KXD1: variants seen among roughly 807,000 people sequenced by gnomAD.
The protein encoded by KXD1 is KxDL motif containing 1, also known as kxDL motif-containing protein 1.
KXD1 carries 5 observed loss-of-function variants against 12.1 expected under a neutral mutation model. That is an observed-to-expected ratio of 0.41 (90% CI 0.22 to 0.87). KXD1 has a LOEUF of 0.87. Ranked by LOEUF, KXD1 falls within the 40% of genes least tolerant of loss-of-function variation. The pLI is 0.31. For missense variants in KXD1, 193 were observed against 244.9 expected (o/e 0.79, Z 1.41); for synonymous variants, 98 against 100.5 (o/e 0.98, Z 0.15).
chr19:18,559,990 T>TTCCCTCCCCCCC (rs1974864576), intron 1 of KXD1: 3 of 122,952 alleles, frequency 2.4e-5, no homozygotes, highest in African/African-American at 1.0e-4. Context: ...CCTTCCTTCC[T>TTCCCTCCCCCCC]TCCCTCCCTC....
At chr19:18,563,040 A>AT (rs1975000762) in intron 2 of KXD1, among the ~76,000 whole-genome samples, 2 of 152,088 alleles carry the variant, frequency 1.3e-5, no homozygotes, top group South Asian at 2.1e-4. Context: ...ACATTACGAG[A>AT]TTTTTTTTGT....
Position 18,568,298 on chromosome 19 carries a change from C to G in KXD1, c.302-104C>G, listed in dbSNP as rs370491051. The G allele has an allele frequency of 1.3e-3, 1,050 of 780,740 alleles. 2 individuals carry two copies. The highest frequency in any genetic ancestry group is 1.8e-3 in the Non-Finnish European group (856 of 467,832). The allele number at this position is 780,740 out of a possible 1,614,324, so 48.4% of individuals were successfully genotyped here. ...AAAAAAAAAAAGGGTCAAGTCATAC[C>G]CCCATGGGGTGAGGGCAGCCGTTAG... On this transcript the variant is annotated intron_variant, in intron 4 of 4. Transcript: ENST00000222307.
At chr19:18,562,234 C>A in intron 2 of KXD1, 77 bp downstream of exon 2, 2 of 1,073,654 alleles carry the variant, frequency 1.9e-6, no homozygotes, top group Non-Finnish European at 1.4e-6. Flanking sequence ...CCCGCCCCTA[C>A]CCGGGGCCCA....
At chr19:18,561,813 A>G in intron 1 of KXD1, 1 of 382,784 alleles carries the variant, frequency 2.6e-6, no homozygotes, top group Admixed American at 4.7e-5. Flanking sequence ...GTGCTTGGGT[A>G]CAGTTTACAA....
At chr19:18,566,725 G>A (rs552143272) in intron 3 of KXD1, among the ~76,000 whole-genome samples, 2 of 151,978 alleles carry the variant, frequency 1.3e-5, no homozygotes, top group South Asian at 2.1e-4. Flanking sequence ...TCCGGAAGGT[G>A]GAGGTTGCAG....
At position 18,567,996 on chromosome 19, in the gene KXD1, G is replaced by A. The variant is rs568787668; in HGVS notation, c.302-406G>A. The stretch of plus-strand genomic sequence containing the variant: ...AAAATGGGCCAAGTCTGCCAGGCGC[G>A]GTGGCTCATGCCTGTAATCCCAACA... On this transcript the variant is annotated intron_variant, in intron 4 of 4. Coordinates refer to ENST00000222307, the MANE Select transcript of KXD1 (RefSeq NM_024069.4). 2.1e-4 allele frequency among the ~76,000 whole-genome samples: 32 copies of A among 152,288 alleles called. 1 individual carries two copies. The highest frequency in any genetic ancestry group is 1.2e-3 in the Admixed American group (18 of 15,300).
At chr19:18,562,450 T>C (rs981808231) in intron 2 of KXD1, among the ~76,000 whole-genome samples, 2 of 152,002 alleles carry the variant, frequency 1.3e-5, no homozygotes, top group African/African-American at 2.4e-5. Flanking sequence ...CACATGCAGG[T>C]TTTTTTGTTT....
chr19:18,568,742 A>C lies in KXD1; in HGVS notation c.*111A>C. ...GGCTCCTTTGCTGCCCCGTTCTGTCACCCAGGGCTCCTAGGGGGACAAGGC... is the reference window on the plus strand; with the variant it reads ...GGCTCCTTTGCTGCCCCGTTCTGTCCCCCAGGGCTCCTAGGGGGACAAGGC... On this transcript the variant is annotated 3_prime_UTR_variant, in exon 5 of 5. Coordinates refer to ENST00000222307, the MANE Select transcript of KXD1 (RefSeq NM_024069.4). The C allele has an allele frequency of 3.9e-6, 3 of 776,070 alleles. No individual in the cohort carries two copies. The highest frequency in any genetic ancestry group is 1.7e-5 in the South Asian group (1 of 57,766). 48.1% of individuals were successfully genotyped at this position (776,070 alleles called of 1,614,324 possible). A position where few individuals can be genotyped will look rare whatever the true frequency, so the allele number is the denominator to read the frequency against.
intron 4 of KXD1, among the ~76,000 whole-genome samples, chr19:18,568,057 C>T (rs1975340777): frequency 6.6e-6 from 1 of 152,090 alleles, no homozygotes; most frequent in African/African-American, 2.4e-5. Flanking sequence ...CACCTGAGGT[C>T]GGGAGTTCGA....
In KXD1 at chr19:18,568,430, A is replaced by G; in HGVS notation, c.330A>G (p.Glu110=). ...TCCCAGAGGCATCCTTCCTGGAGGA[A>G]GAGGATGAAGACCCCATCCCACCCA... ...SHIPEASFLE[E]EDEDPIPPST... is the part of the protein sequence containing the mutation. Residue 110 remains glutamate, a synonymous_variant, in exon 5 of 5, where the codon GAA becomes GAG. Transcript: ENST00000222307. 4 of 1,613,998 alleles carry G rather than the reference A, an allele frequency of 2.5e-6. 1 individual carries two copies. Among genetic ancestry groups the G allele is most frequent in the South Asian group, 2.2e-5 (2 of 91,080 alleles).
rs187914977 is a variant in KXD1, at chr19:18,563,754, A to G, written c.102-1115A>G. 7.4e-3 allele frequency among the ~76,000 whole-genome samples: 1,131 copies of G among 152,154 alleles called. 14 individuals are homozygous for G. Among genetic ancestry groups the G allele is most frequent in the African/African-American group, 0.025 (1,021 of 41,518 alleles). On this transcript the variant is annotated intron_variant, in intron 2 of 4. Coordinates refer to ENST00000222307, the MANE Select transcript of KXD1 (RefSeq NM_024069.4). The stretch of plus-strand genomic sequence containing the variant: ...CTTGACTTCGTGATCCGCCCGCCTC[A>G]GCCTCCCAAAGTGCTGGGATTACAG...
chr19:18,562,008 C>G (rs1267151747), intron 1 of KXD1, 28 bp from the exon 2 acceptor site: 1 of 1,505,580 alleles, frequency 6.6e-7, no homozygotes, highest in East Asian at 2.3e-5. Context: ...GTGACTAGTG[C>G]AGACCACTCT....
chr19:18,568,548 G>A lies in KXD1; in HGVS notation c.448G>A (p.Glu150Lys), dbSNP rs746447208. The change falls in exon 5 of 5, where the codon GAG becomes AAG. Residue 150 changes from glutamate (E) to lysine (K), a missense_variant. Glu to Lys is a moderately conservative substitution (Grantham distance 56). Transcript: ENST00000222307. ...CTCGCCCTCCCTGAGCCCCGGCTTC[G>A]AGGACCTGTCCCATGTCCAGCCTGG... The part of the protein sequence containing the change: ...TVSPSLSPGF[E>K]DLSHVQPGSP... The A allele has an allele frequency of 7.4e-6, 12 of 1,613,804 alleles. No individual in the cohort carries two copies. Among genetic ancestry groups the A allele is most frequent in the African/African-American group, 5.3e-5 (4 of 74,908 alleles).
At chr19:18,560,243 A>C (rs1974876272) in intron 1 of KXD1, 1 of 151,894 alleles carries the variant, frequency 6.6e-6, no homozygotes, top group African/African-American at 2.4e-5. Flanking sequence ...CCTGACCTCA[A>C]GCAGTCTGCC....
chr19:18,568,313 G>T, intron 4 of KXD1, 89 bp from the exon 5 acceptor site: 1 of 922,986 alleles, frequency 1.1e-6, no homozygotes, highest in Non-Finnish European at 1.7e-6. Flanking sequence ...TGGGGTGAGG[G>T]CAGCCGTTAG....
chr19:18,559,785 T>C (rs1974849076), intron 1 of KXD1: 1 of 152,174 alleles, frequency 6.6e-6, no homozygotes, highest in South Asian at 2.1e-4. Flanking sequence ...ATGATAACAG[T>C]ATGTATGAGC....
intron 4 of KXD1, 77 bp from the exon 5 acceptor site, chr19:18,568,325 G>A: frequency 2.8e-6 from 3 of 1,078,586 alleles, no homozygotes; most frequent in Non-Finnish European, 4.2e-6. Context: ...AGCCGTTAGG[G>A]GTCACATGGA....
chr19:18,566,885 C>T (rs936573605), intron 3 of KXD1, among the ~76,000 whole-genome samples: 3 of 152,216 alleles, frequency 2.0e-5, no homozygotes, highest in African/African-American at 7.2e-5. Flanking sequence ...CTCAGAGCAC[C>T]CAGAGTCTAA....
chr19:18,564,867 A>G lies in KXD1; in HGVS notation c.102-2A>G. The G allele has an allele frequency of 6.2e-7, 1 of 1,613,544 alleles. No homozygotes were observed. Among genetic ancestry groups the G allele is most frequent in the Non-Finnish European group, 8.5e-7 (1 of 1,179,996 alleles). Reference sequence around the variant, plus strand: ...AAGCTCATGCCCTCTCTCCACCATCAGGCTGGACCGCTTTGAGAAGACCAA... The same window carrying G: ...AAGCTCATGCCCTCTCTCCACCATCGGGCTGGACCGCTTTGAGAAGACCAA... On this transcript the variant is annotated splice_acceptor_variant, in intron 2 of 4. Coordinates refer to ENST00000222307, the MANE Select transcript of KXD1 (RefSeq NM_024069.4). LOFTEE classifies it high-confidence loss of function.
Sources: allele counts gnomAD v4.1 joint callset (sites outside exome capture counted in the v4.1 genomes callset), GRCh38; gene constraint gnomAD v4.1.1; transcripts MANE v1.5; gene names NCBI Gene and HGNC (gene_info 2026-07-23, HGNC 2026-07-21).